B3GALT1: variants seen among roughly 807,000 people sequenced by gnomAD.
B3GALT1 encodes beta-1,3-galactosyltransferase 1.
Under a neutral mutation model 23.2 loss-of-function variants are expected in B3GALT1, and 10 were observed. That is an observed-to-expected ratio of 0.43 (90% CI 0.27 to 0.73). The LOEUF (loss-of-function observed/expected upper bound fraction) is 0.73, where lower values mean the gene tolerates loss of function less well. Among genes scored for constraint, B3GALT1 ranks in the 30% least tolerant of loss-of-function variants. B3GALT1 has a pLI of 0.21. For synonymous variants in B3GALT1, 156 were observed against 141.5 expected (o/e 1.10, Z -0.73); for missense variants, 299 against 405.4 (o/e 0.74, Z 2.25).
intron 4 of B3GALT1, among the ~76,000 whole-genome samples, chr2:167,837,936 A>C (rs1689523300): frequency 6.6e-6 from 1 of 152,200 alleles, no homozygotes; most frequent in Admixed American, 6.5e-5. Flanking sequence ...TACTGGGTAC[A>C]TAACAAATGA....
rs181835922 is a variant in B3GALT1, at chr2:167,804,385, G to A, written c.-351-14287G>A. ...GTACATGTGCACAATGTGCAGGTTAGTTACATATGTATACATGTGCCATGT... is the reference window on the plus strand; with the variant it reads ...GTACATGTGCACAATGTGCAGGTTAATTACATATGTATACATGTGCCATGT... On this transcript the variant is annotated intron_variant, in intron 3 of 4. Coordinates refer to ENST00000392690, the MANE Select transcript of B3GALT1 (RefSeq NM_020981.4). 1.4e-3 allele frequency among the ~76,000 whole-genome samples: 212 copies of A among 151,494 alleles called. 1 individual carries two copies. Among genetic ancestry groups the A allele is most frequent in the African/African-American group, 4.8e-3 (197 of 41,240 alleles).
chr2:167,479,841 T>C (rs1699536582), intron 1 of B3GALT1, among the ~76,000 whole-genome samples: 1 of 151,894 alleles, frequency 6.6e-6, no homozygotes. Context: ...GTCAAAAGGC[T>C]CAGAGGGTTA....
At chr2:167,479,437 T>A in intron 1 of B3GALT1, among the ~76,000 whole-genome samples, 1 of 152,208 alleles carries the variant, frequency 6.6e-6, no homozygotes, top group East Asian at 1.9e-4. Context: ...ATTTGATTAT[T>A]TAAGAGTGAA....
At chr2:167,418,061 C>T (rs1279157373) in intron 1 of B3GALT1, among the ~76,000 whole-genome samples, 1 of 152,170 alleles carries the variant, frequency 6.6e-6, no homozygotes, top group African/African-American at 2.4e-5. Context: ...TTTTAATATT[C>T]GCTTAGAGAT....
chr2:167,535,730 T>C (rs1486335132), intron 2 of B3GALT1, among the ~76,000 whole-genome samples: 2 of 152,094 alleles, frequency 1.3e-5, no homozygotes, highest in East Asian at 3.8e-4. Flanking sequence ...TTTTCTTCTG[T>C]ATTAAAAAAA....
chr2:167,583,882 T>C (rs1684534919), intron 2 of B3GALT1, among the ~76,000 whole-genome samples: 1 of 152,200 alleles, frequency 6.6e-6, no homozygotes, highest in Non-Finnish European at 1.5e-5. Flanking sequence ...AGTCAGCTCC[T>C]GCTGTAACAG....
chr2:167,848,829 G>C (rs1467725708), intron 4 of B3GALT1, among the ~76,000 whole-genome samples: 2 of 151,176 alleles, frequency 1.3e-5, no homozygotes, highest in Non-Finnish European at 2.9e-5. Flanking sequence ...TGATATGATT[G>C]TTTACCTTGA....
At chr2:167,798,465 G>C (rs972713366) in intron 3 of B3GALT1, among the ~76,000 whole-genome samples, 1 of 152,056 alleles carries the variant, frequency 6.6e-6, no homozygotes, top group Admixed American at 6.6e-5. Context: ...TTTTGTACAA[G>C]GTATAAGGGA....
At chr2:167,597,489 G>C (rs1684799845) in intron 2 of B3GALT1, among the ~76,000 whole-genome samples, 2 of 152,102 alleles carry the variant, frequency 1.3e-5, no homozygotes, top group African/African-American at 4.8e-5. Context: ...TACCATTCAG[G>C]GGCAGAATGT....
chr2:167,512,609 TATATATATATAC>T (rs1215942222), intron 2 of B3GALT1, among the ~76,000 whole-genome samples: 23 of 102,500 alleles, frequency 2.2e-4, no homozygotes, highest in African/African-American at 6.0e-4. Context: ...TATATATATG[TATATATATATAC>T]GTGTATATAT....
At chr2:167,604,083 T>A (rs1684921038) in intron 2 of B3GALT1, among the ~76,000 whole-genome samples, 1 of 152,178 alleles carries the variant, frequency 6.6e-6, no homozygotes, top group African/African-American at 2.4e-5. Flanking sequence ...GAATGTACTT[T>A]TTATACTAAA....
intron 2 of B3GALT1, among the ~76,000 whole-genome samples, chr2:167,613,362 A>G (rs941385554): frequency 2.0e-5 from 3 of 151,836 alleles, no homozygotes; most frequent in Admixed American, 1.3e-4. Flanking sequence ...ATGAAATTGT[A>G]GTTGAACATT....
At chr2:167,552,339 A>G (rs1683763518) in intron 2 of B3GALT1, among the ~76,000 whole-genome samples, 1 of 152,202 alleles carries the variant, frequency 6.6e-6, no homozygotes, top group South Asian at 2.1e-4. Flanking sequence ...AAGATATTTC[A>G]TATAAAAATT....
chr2:167,726,608 T>G (rs1387642113), intron 3 of B3GALT1, among the ~76,000 whole-genome samples: 4 of 152,240 alleles, frequency 2.6e-5, no homozygotes, highest in African/African-American at 4.8e-5. Flanking sequence ...TTAAATATTT[T>G]ATATACTTTG....
At chr2:167,803,081 AACACACAC>A (rs71940853) in intron 3 of B3GALT1, among the ~76,000 whole-genome samples, 14 of 141,478 alleles carry the variant, frequency 9.9e-5, no homozygotes, top group South Asian at 2.3e-4. Context: ...GACCCTAACA[AACACACAC>A]ACACACACAC....
intron 2 of B3GALT1, among the ~76,000 whole-genome samples, chr2:167,576,920 A>G (rs1447084643): frequency 6.6e-6 from 1 of 151,732 alleles, no homozygotes; most frequent in Non-Finnish European, 1.5e-5. Context: ...TTTAAGGAGA[A>G]AGTAATGGAG....
intron 3 of B3GALT1, among the ~76,000 whole-genome samples, chr2:167,666,161 G>A (rs13406761): frequency 0.036 from 5,483 of 152,102 alleles, 320 homozygotes; most frequent in African/African-American, 0.12. Flanking sequence ...CTTTGTTCTC[G>A]TTCGTTTCAA....
In B3GALT1 at chr2:167,855,852, G is replaced by T. The variant is rs1034052469; in HGVS notation, c.-229-12959G>T. ...AATTATGTACTAAGGGAAAGGGAAAGCAAATAGCTTGGAATTTCTTAGAAA... is the reference window on the plus strand; with the variant it reads ...AATTATGTACTAAGGGAAAGGGAAATCAAATAGCTTGGAATTTCTTAGAAA... On this transcript the variant is annotated intron_variant, in intron 4 of 4. Transcript: ENST00000392690. Among the ~76,000 whole-genome samples the T allele has an allele frequency of 2.6e-5, 4 of 152,100 alleles. No homozygotes were observed. In the South Asian group the frequency reaches 6.2e-4, roughly 24 times the overall value.
At chr2:167,323,252 A>G (rs144373969) in intron 1 of B3GALT1, among the ~76,000 whole-genome samples, 2,201 of 152,180 alleles carry the variant, frequency 0.014, 37 homozygotes, top group Middle Eastern at 0.058. Context: ...AAGTGTGAGT[A>G]TATACGATGT....
Sources: gnomAD v4.1 joint callset for allele counts (sites outside exome capture counted in the v4.1 genomes callset) on GRCh38, gnomAD v4.1.1 for gene constraint, MANE v1.5 for transcripts, NCBI Gene and HGNC (gene_info 2026-07-23, HGNC 2026-07-21) for gene names.